Variants in DEPDC1B observed in about 807,000 individuals in gnomAD.
DEPDC1B encodes the protein DEP domain containing 1B.
DEPDC1B carries 51 observed loss-of-function variants against 66.5 expected under a neutral mutation model. The ratio of observed to expected loss-of-function variants is 0.77; its 90% confidence interval spans 0.61 to 0.97. DEPDC1B has a LOEUF of 0.97. DEPDC1B is among the 50% of genes least tolerant of loss of function. DEPDC1B has a pLI of 0.00. For missense variants in DEPDC1B, 552 were observed against 637.1 expected, an observed-to-expected ratio of 0.87 and a Z score of 1.44; for synonymous variants, 226 against 223.6, an observed-to-expected ratio of 1.01 and a Z score of -0.10.
intron 7 of DEPDC1B, chr5:60,630,505 G>A (rs1466683580): frequency 6.6e-6 from 1 of 152,252 alleles, no homozygotes; most frequent in Non-Finnish European, 1.5e-5. Context: ...CACTGTGCAG[G>A]CCCTGAAAAG....
intron 2 of DEPDC1B, among the ~76,000 whole-genome samples, chr5:60,652,405 A>G (rs79327911): frequency 0.021 from 3,178 of 148,936 alleles, 422 homozygotes; most frequent in African/African-American, 0.076. Context: ...GTCCAGTCAC[A>G]GCCTCAGATG....
intron 7 of DEPDC1B, chr5:60,628,381 A>G (rs765165242): frequency 1.3e-5 from 2 of 152,194 alleles, no homozygotes; most frequent in East Asian, 1.9e-4. Flanking sequence ...GAAATGAAAC[A>G]TGAAGGTTTT....
chr5:60,606,783 T>TC (rs1378434366), intron 7 of DEPDC1B, among the ~76,000 whole-genome samples: 1 of 139,438 alleles, frequency 7.2e-6, no homozygotes, highest in East Asian at 2.0e-4. Flanking sequence ...ACCTGTCTCT[T>TC]TTTTTTTTTT....
chr5:60,658,118 A>G (rs1753620147), intron 2 of DEPDC1B, among the ~76,000 whole-genome samples: 2 of 151,920 alleles, frequency 1.3e-5, no homozygotes, highest in Non-Finnish European at 2.9e-5. Context: ...CATTTCTCTA[A>G]GTTTGTCCTT....
At position 60,655,747 on chromosome 5, in the gene DEPDC1B, GC is replaced by G. The variant is rs981173054; in HGVS notation, c.315-8215del. Reference sequence around the variant, plus strand: ...GTGCTCTTTCAGATTTTTTTATGTAGCCATTCAATACAATGAATTTTCCTCT... The same window carrying G: ...GTGCTCTTTCAGATTTTTTTATGTAGCATTCAATACAATGAATTTTCCTCT... On this transcript the variant is annotated intron_variant, in intron 2 of 10. Coordinates refer to ENST00000265036, the MANE Select transcript of DEPDC1B (RefSeq NM_018369.3). 3.0e-4 allele frequency among the ~76,000 whole-genome samples: 44 copies of G among 148,680 alleles called. 6 individuals are homozygous for G. The highest frequency in any genetic ancestry group is 1.1e-3 in the African/African-American group (44 of 39,310).
At chr5:60,699,451 A>AAAAAAAAAAAAAAC (rs1554056856) in intron 1 of DEPDC1B, among the ~76,000 whole-genome samples, 21 of 61,370 alleles carry the variant, frequency 3.4e-4, no homozygotes, top group Non-Finnish European at 6.3e-4. Context: ...CAGAAAAAAA[A>AAAAAAAAAAAAAAC]AAAAAAAAAA....
intron 7 of DEPDC1B, among the ~76,000 whole-genome samples, chr5:60,638,478 G>A (rs957014475): frequency 7.2e-5 from 11 of 152,124 alleles, no homozygotes; most frequent in African/African-American, 2.7e-4. Flanking sequence ...TAAAGTTATA[G>A]TCTTTTGAAT....
intron 7 of DEPDC1B, among the ~76,000 whole-genome samples, chr5:60,618,658 C>T (rs1390375155): frequency 6.6e-6 from 1 of 152,144 alleles, no homozygotes; most frequent in Non-Finnish European, 1.5e-5. Context: ...AGCTTACCAA[C>T]CAATAAAAGT....
intron 6 of DEPDC1B, 39 bp from the exon 7 acceptor site, chr5:60,638,929 A>G (rs757449266): frequency 5.0e-6 from 8 of 1,597,902 alleles, no homozygotes; most frequent in African/African-American, 4.1e-5. Context: ...ACATTAATGG[A>G]GTAATTACCT....
At chr5:60,617,191 T>C (rs1223883681) in intron 7 of DEPDC1B, among the ~76,000 whole-genome samples, 1 of 152,112 alleles carries the variant, frequency 6.6e-6, no homozygotes, top group Non-Finnish European at 1.5e-5. Context: ...TCATGCCAAA[T>C]TGTAAAGACC....
chr5:60,605,731 C>G lies in DEPDC1B; in HGVS notation c.1024G>C (p.Glu342Gln), dbSNP rs1416421724. Residue 342 changes from glutamate to glutamine, a missense_variant, in exon 8 of 11, where the codon GAG (glutamate) becomes CAG (glutamine). Transcript: ENST00000265036. Reference sequence around the variant, plus strand: ...AAGCCATCACACAGGGGTGGCATCTCTTTGTTTAAGCAAATCCTTGCCATC... The same window carrying G: ...AAGCCATCACACAGGGGTGGCATCTGTTTGTTTAAGCAAATCCTTGCCATC... Reference protein sequence around the residue: ...RMMARICLNKEMPPLCDGFGT... With the variant: ...RMMARICLNKQMPPLCDGFGT... 6.2e-7 allele frequency: 1 copy of G among 1,613,074 alleles called. No individual in the cohort carries two copies. Among genetic ancestry groups the G allele is most frequent in the East Asian group, 2.2e-5 (1 of 44,828 alleles).
chr5:60,651,154 G>C (rs932551567), intron 2 of DEPDC1B, among the ~76,000 whole-genome samples: 4 of 152,194 alleles, frequency 2.6e-5, no homozygotes, highest in African/African-American at 9.7e-5. Flanking sequence ...TATTCCTGGA[G>C]GTGGATTCTC....
chr5:60,667,971 TTA>T (rs1228084531), intron 2 of DEPDC1B, among the ~76,000 whole-genome samples: 2 of 119,508 alleles, frequency 1.7e-5, no homozygotes, highest in Non-Finnish European at 1.6e-5. Context: ...AATGGATATT[TTA>T]TATATATAAA....
chr5:60,692,747 C>T (rs1754575567), intron 1 of DEPDC1B, among the ~76,000 whole-genome samples: 1 of 152,052 alleles, frequency 6.6e-6, no homozygotes, highest in South Asian at 2.1e-4. Flanking sequence ...CCATAATAGG[C>T]AGAAACAACC....
At position 60,611,935 on chromosome 5, in the gene DEPDC1B, A is replaced by G. The variant is rs189533189; in HGVS notation, c.899-6079T>C. On this transcript the variant is annotated intron_variant, in intron 7 of 10. Coordinates refer to ENST00000265036, the MANE Select transcript of DEPDC1B (RefSeq NM_018369.3). ...GGCTACATTAAACAACAGATTTCCA[A>G]TGTAGACAAAAACAGCCTTTAATGG... 4.4e-4 allele frequency among the ~76,000 whole-genome samples: 67 copies of G among 152,374 alleles called. No individual in the cohort carries two copies. The East Asian group carries it at 0.013, about 29-fold the overall frequency.
At position 60,647,506 on chromosome 5, in the gene DEPDC1B, T is replaced by C. The variant is rs1336436001; in HGVS notation, c.342A>G (p.Pro114=). ...YRFPPSSPLK[P]YPKKPPNQKD... is the part of the protein sequence containing the mutation. ...TTTGGTTTGGGGGCTTCTTTGGATA[T>C]GGTTTCAGGGGTGAAGAAGGAGGAA... is the stretch of plus-strand genomic sequence containing the variant. The change falls in exon 3 of 11, where the codon CCA becomes CCG. Residue 114 remains proline, a synonymous_variant. Coordinates refer to ENST00000265036, the MANE Select transcript of DEPDC1B (RefSeq NM_018369.3). 2 of 1,612,900 alleles carry C rather than the reference T, an allele frequency of 1.2e-6. No individual in the cohort carries two copies. Among genetic ancestry groups the C allele is most frequent in the South Asian group, 1.1e-5 (1 of 90,896 alleles).
chr5:60,606,766 C>G (rs1447507041), intron 7 of DEPDC1B, among the ~76,000 whole-genome samples: 6 of 151,450 alleles, frequency 4.0e-5, no homozygotes, highest in Non-Finnish European at 7.4e-5. Context: ...CTGGGCAACA[C>G]AGCAAGACCT....
intron 1 of DEPDC1B, among the ~76,000 whole-genome samples, chr5:60,691,939 C>T (rs1235420080): frequency 6.6e-6 from 1 of 152,034 alleles, no homozygotes; most frequent in African/African-American, 2.4e-5. Context: ...CCTAAAAGTC[C>T]ATCAACAGAT....
chr5:60,628,202 G>A (rs570188095), intron 7 of DEPDC1B: 8 of 152,218 alleles, frequency 5.3e-5, no homozygotes, highest in South Asian at 2.1e-4. Context: ...AAGTGCTTTC[G>A]GTGATACCTA....
Sources: gnomAD v4.1 joint callset for allele counts (sites outside exome capture counted in the v4.1 genomes callset) on GRCh38, gnomAD v4.1.1 for gene constraint, MANE v1.5 for transcripts, NCBI Gene and HGNC (gene_info 2026-07-23, HGNC 2026-07-21) for gene names.